The following KDM4C variants were observed in gnomAD, a reference collection of about 807,000 sequenced individuals.
KDM4C encodes lysine demethylase 4C, also known as lysine-specific demethylase 4C.
In KDM4C, 81 loss-of-function variants were observed where a neutral mutation model predicts 129.3. The ratio of observed to expected loss-of-function variants is 0.63; its 90% confidence interval spans 0.52 to 0.75. KDM4C has a LOEUF of 0.75. Among genes scored for constraint, KDM4C ranks in the 30% least tolerant of loss-of-function variants. The pLI is 0.00. For missense variants in KDM4C, 1,457 were observed against 1,304.0 expected (o/e 1.12, Z -1.81); for synonymous variants, 573 against 456.1 (o/e 1.26, Z -3.26).
chr9:6,907,335 C>T (rs986673399), intron 8 of KDM4C, among the ~76,000 whole-genome samples: 1 of 152,146 alleles, frequency 6.6e-6, no homozygotes, highest in African/African-American at 2.4e-5. Context: ...GGCAAACCCT[C>T]ATCTTTTATG....
chr9:6,945,479 A>T (rs969918532), intron 8 of KDM4C, among the ~76,000 whole-genome samples: 6 of 152,088 alleles, frequency 3.9e-5, no homozygotes, highest in African/African-American at 1.2e-4. Flanking sequence ...TGTATCTTGA[A>T]CTCATGATTA....
chr9:6,981,157 G>T, intron 9 of KDM4C, 39 bp downstream of exon 9: 1 of 1,529,428 alleles, frequency 6.5e-7, no homozygotes. Flanking sequence ...CTTGCCTGTC[G>T]TGTTTTCTCA....
At chr9:6,806,211 T>A (rs1829932019) in intron 3 of KDM4C, among the ~76,000 whole-genome samples, 1 of 152,186 alleles carries the variant, frequency 6.6e-6, no homozygotes, top group Non-Finnish European at 1.5e-5. Flanking sequence ...TTATCCCAAA[T>A]TGGCCAGGCA....
chr9:6,864,820 A>G (rs1016158886), intron 5 of KDM4C, among the ~76,000 whole-genome samples: 1 of 148,846 alleles, frequency 6.7e-6, no homozygotes, highest in East Asian at 2.0e-4. Flanking sequence ...TTTTTTTTTA[A>G]TTTATTTTTT....
At chr9:7,016,404 G>C (rs1405751525) in intron 15 of KDM4C, among the ~76,000 whole-genome samples, 1 of 150,274 alleles carries the variant, frequency 6.7e-6, no homozygotes. Context: ...TGGGATTACA[G>C]GCGGGAGCCA....
At chr9:6,790,898 T>C (rs967299199) in intron 1 of KDM4C, among the ~76,000 whole-genome samples, 8 of 152,158 alleles carry the variant, frequency 5.3e-5, no homozygotes, top group Non-Finnish European at 2.9e-5. Context: ...ATTAAGCCTG[T>C]GTTTTCATAG....
At chr9:7,032,878 C>G (rs111489881) in intron 15 of KDM4C, among the ~76,000 whole-genome samples, 1 of 152,168 alleles carries the variant, frequency 6.6e-6, no homozygotes. Context: ...TTCTACTTAA[C>G]GTAGAATAAT....
chr9:7,137,832 G>A (rs1488397892), intron 19 of KDM4C, among the ~76,000 whole-genome samples: 1 of 152,192 alleles, frequency 6.6e-6, no homozygotes, highest in Non-Finnish European at 1.5e-5. Flanking sequence ...GAAGATATGA[G>A]GCCCATAAAT....
At chr9:6,967,728 A>G (rs1831250405) in intron 8 of KDM4C, among the ~76,000 whole-genome samples, 1 of 152,214 alleles carries the variant, frequency 6.6e-6, no homozygotes, top group South Asian at 2.1e-4. Flanking sequence ...GAACCATACC[A>G]GAGCCCTATT....
intron 8 of KDM4C, among the ~76,000 whole-genome samples, chr9:6,971,225 C>G (rs906147920): frequency 2.0e-5 from 3 of 151,866 alleles, no homozygotes; most frequent in Non-Finnish European, 4.4e-5. Flanking sequence ...TTTTTTTTGG[C>G]TCTAGAAATA....
chr9:7,089,949 C>T (rs1835601198), intron 17 of KDM4C, among the ~76,000 whole-genome samples: 1 of 152,222 alleles, frequency 6.6e-6, no homozygotes. Context: ...TGGCTTAAAG[C>T]AGAATGCAGC....
intron 1 of KDM4C, among the ~76,000 whole-genome samples, chr9:6,746,368 A>C (rs181394385): frequency 0.015 from 2,188 of 142,996 alleles, 31 homozygotes; most frequent in South Asian, 0.047. Context: ...TCCCGGGTTC[A>C]CGCCATTCTC....
intron 2 of KDM4C, among the ~76,000 whole-genome samples, chr9:6,803,864 C>G (rs1240957558): frequency 6.6e-6 from 1 of 152,084 alleles, no homozygotes; most frequent in Non-Finnish European, 1.5e-5. Flanking sequence ...GACTGTCACC[C>G]AGACTGGAGT....
intron 2 of KDM4C, among the ~76,000 whole-genome samples, chr9:6,798,037 C>T (rs1448327825): frequency 1.3e-5 from 2 of 152,052 alleles, no homozygotes; most frequent in Non-Finnish European, 2.9e-5. Flanking sequence ...AATCTGATGT[C>T]TTAGGATTTC....
intron 15 of KDM4C, among the ~76,000 whole-genome samples, chr9:7,046,070 T>C (rs1158776863): frequency 2.0e-5 from 3 of 152,074 alleles, no homozygotes; most frequent in East Asian, 1.9e-4. Context: ...TGAAACAATT[T>C]AGGTCAAGAG....
At chr9:6,743,546 C>CGACA (rs1414080665) in intron 1 of KDM4C, among the ~76,000 whole-genome samples, 2 of 150,494 alleles carry the variant, frequency 1.3e-5, no homozygotes, top group African/African-American at 4.9e-5. Context: ...CTCACTCTGT[C>CGACA]ACCCAGGCTG....
At chr9:6,730,945 A>G (rs1002541115) in intron 1 of KDM4C, among the ~76,000 whole-genome samples, 1 of 152,130 alleles carries the variant, frequency 6.6e-6, no homozygotes, top group East Asian at 1.9e-4. Flanking sequence ...TTGTGTACCT[A>G]TTTAGTTAGG....
At chr9:6,967,891 C>G (rs1284512017) in intron 8 of KDM4C, among the ~76,000 whole-genome samples, 2 of 152,110 alleles carry the variant, frequency 1.3e-5, no homozygotes, top group Non-Finnish European at 2.9e-5. Flanking sequence ...TATTCTATGG[C>G]TTTTCATAAG....
chr9:6,821,073 G>C (rs1832953331), intron 4 of KDM4C, among the ~76,000 whole-genome samples: 1 of 152,152 alleles, frequency 6.6e-6, no homozygotes, highest in Non-Finnish European at 1.5e-5. Flanking sequence ...TGGCTACATA[G>C]TATTCCATGG....
Sources: allele counts gnomAD v4.1 joint callset (sites outside exome capture counted in the v4.1 genomes callset), GRCh38; gene constraint gnomAD v4.1.1; transcripts MANE v1.5; gene names NCBI Gene and HGNC (gene_info 2026-07-23, HGNC 2026-07-21).